The following EDDM13 variants were observed in gnomAD, a reference collection of about 807,000 sequenced individuals.
EDDM13 encodes epididymal protein 13.
A neutral mutation model predicts 17.8 loss-of-function variants in EDDM13; 24 were observed. The observed-to-expected ratio is 1.35, with a 90% CI of 0.98 to 1.90. EDDM13 has a LOEUF of 1.90. Among genes scored for constraint, EDDM13 ranks in the 40% most tolerant of loss-of-function variants. EDDM13 has a pLI of 0.00. For missense variants in EDDM13, 97 were observed against 100.8 expected (o/e 0.96, Z 0.16); for synonymous variants, 31 against 37.5 (o/e 0.83, Z 0.63).
chr19:56,306,146 T>C (rs56095857), intron 14 of EDDM13, among the ~76,000 whole-genome samples: 65,170 of 151,970 alleles, frequency 0.43, 14,194 homozygotes, highest in Middle Eastern at 0.59. Flanking sequence ...ACATGAAGTG[T>C]AGAGGCCAGT....
intron 13 of EDDM13, among the ~76,000 whole-genome samples, chr19:56,302,590 T>TCCCCTC (rs2040387931): frequency 2.9e-5 from 1 of 34,214 alleles, no homozygotes; most frequent in Admixed American, 3.6e-4. Context: ...CCCCTTTTCT[T>TCCCCTC]CCTCTCCCTC....
chr19:56,292,488 T>C (rs895443377), intron 9 of EDDM13, among the ~76,000 whole-genome samples: 2 of 151,912 alleles, frequency 1.3e-5, no homozygotes, highest in Admixed American at 6.6e-5. Context: ...TTGTTTTGCT[T>C]TGTTGCCAAG....
intron 9 of EDDM13, among the ~76,000 whole-genome samples, chr19:56,294,873 G>A (rs1568712448): frequency 6.6e-6 from 1 of 152,208 alleles, no homozygotes; most frequent in Non-Finnish European, 1.5e-5. Flanking sequence ...AAAGAAGCCA[G>A]ACACAAAAGC....
intron 6 of EDDM13, 95 bp downstream of exon 6, chr19:56,285,119 T>A: frequency 1.9e-6 from 1 of 525,582 alleles, no homozygotes; most frequent in Non-Finnish European, 2.4e-6. Context: ...AGGTAGAGTC[T>A]AAAGAACACT....
chr19:56,295,450 C>T (rs143956236), intron 9 of EDDM13, among the ~76,000 whole-genome samples: 62 of 152,132 alleles, frequency 4.1e-4, no homozygotes, highest in African/African-American at 1.4e-3. Context: ...CAAAAATTAG[C>T]CGGGTGTGGT....
Position 56,298,056 on chromosome 19 carries a change from T to A in EDDM13, c.295+525T>A, listed in dbSNP as rs1434849076. 4.2e-5 allele frequency: 6 copies of A among 141,982 alleles called. No homozygotes were observed. The East Asian group carries it at 1.2e-3, about 29-fold the overall frequency. 8.8% of individuals were successfully genotyped at this position (141,982 alleles called of 1,614,324 possible). On this transcript the variant is annotated intron_variant, in intron 12 of 14. Coordinates refer to ENST00000649256, the MANE Select transcript of EDDM13 (RefSeq NM_001354658.2). ...TGCCACCGCATCCGGCCTGGGTAACTGAGCAAGTCTCAAAAAAAAAAAAAA... is the reference window on the plus strand; with the variant it reads ...TGCCACCGCATCCGGCCTGGGTAACAGAGCAAGTCTCAAAAAAAAAAAAAA...
chr19:56,284,699 G>C (rs11668024), intron 5 of EDDM13, among the ~76,000 whole-genome samples: 1 of 151,834 alleles, frequency 6.6e-6, no homozygotes, highest in African/African-American at 2.4e-5. Context: ...ATTTTTAGTA[G>C]AAATGGGTTT....
intron 14 of EDDM13, 64 bp downstream of exon 14, chr19:56,304,894 C>T (rs2040583298): frequency 4.6e-6 from 3 of 645,416 alleles, no homozygotes; most frequent in Non-Finnish European, 5.8e-6. Context: ...AGGTTCATCC[C>T]AACTGCCTGG....
Position 56,304,785 on chromosome 19 carries a change from CT to C in EDDM13, c.424-7del, listed in dbSNP as rs761710750. ...TTCTCTGTTCCCAGTTCACTTTTTC[CT>C]CCCAAGTGTTACTGCCACTACTGTA... On this transcript the variant is annotated splice_region_variant and splice_polypyrimidine_tract_variant and intron_variant, in intron 13 of 14. Transcript: ENST00000649256. 100 of 985,254 alleles carry C rather than the reference CT, an allele frequency of 1.0e-4. No individual in the cohort carries two copies. The highest frequency in any genetic ancestry group is 1.2e-4 in the Non-Finnish European group (97 of 829,894). 61.0% of individuals were successfully genotyped at this position (985,254 alleles called of 1,614,324 possible).
At chr19:56,284,151 T>C (rs557022933) in intron 4 of EDDM13, 47 bp from the exon 5 acceptor site, 47 of 985,388 alleles carry the variant, frequency 4.8e-5, no homozygotes, top group Non-Finnish European at 5.4e-5. Flanking sequence ...GGACCACGCA[T>C]GTAACCTTGG....
chr19:56,292,675 C>T (rs564385324), intron 9 of EDDM13, among the ~76,000 whole-genome samples: 1 of 152,118 alleles, frequency 6.6e-6, no homozygotes, highest in African/African-American at 2.4e-5. Flanking sequence ...ACTTTATAAT[C>T]ACTGCCCCAC....
At chr19:56,301,540 C>G (rs756328317) in intron 12 of EDDM13, among the ~76,000 whole-genome samples, 1 of 152,122 alleles carries the variant, frequency 6.6e-6, no homozygotes, top group African/African-American at 2.4e-5. Flanking sequence ...TCAGCAGGGT[C>G]TTTGCGACTT....
intron 6 of EDDM13, chr19:56,286,658 A>G (rs1475036620): frequency 6.6e-6 from 1 of 152,218 alleles, no homozygotes. Context: ...GGAAATAAAC[A>G]CTAGCAAGTG....
chr19:56,295,222 AAAC>A (rs1419714187), intron 9 of EDDM13: 1 of 152,150 alleles, frequency 6.6e-6, no homozygotes, highest in Non-Finnish European at 1.5e-5. Flanking sequence ...AAAGTTCAGA[AAAC>A]AACAACGGGT....
At chr19:56,281,150 T>C (rs1272944413) in intron 2 of EDDM13, among the ~76,000 whole-genome samples, 1 of 152,080 alleles carries the variant, frequency 6.6e-6, no homozygotes, top group Non-Finnish European at 1.5e-5. Flanking sequence ...AAAGAGAAAA[T>C]ATGTTTACTC....
At chr19:56,285,662 G>A (rs918634734) in intron 6 of EDDM13, among the ~76,000 whole-genome samples, 27 of 151,966 alleles carry the variant, frequency 1.8e-4, no homozygotes, top group Non-Finnish European at 3.7e-4. Flanking sequence ...TGTATTTTTA[G>A]TAGAGACAGA....
intron 2 of EDDM13, among the ~76,000 whole-genome samples, chr19:56,279,427 GAAA>G (rs2038514065): frequency 6.6e-6 from 1 of 152,178 alleles, no homozygotes; most frequent in South Asian, 2.1e-4. Flanking sequence ...TTGCAAAATG[GAAA>G]GGACTGTGAG....
In EDDM13 at chr19:56,274,819, T is replaced by C. The variant is rs187345357; in HGVS notation, c.86-1273T>C. 2.0e-4 allele frequency: 30 copies of C among 152,310 alleles called. No individual in the cohort carries two copies. In the East Asian group the frequency reaches 3.7e-3, roughly 19 times the overall value. 9.4% of individuals were successfully genotyped at this position (152,310 alleles called of 1,614,324 possible). ...AGAAAATCCAGCTCTTGCTCAACCATGTTGCATTTTGTTATCCCATCTCCT... is the reference window on the plus strand; with the variant it reads ...AGAAAATCCAGCTCTTGCTCAACCACGTTGCATTTTGTTATCCCATCTCCT... On this transcript the variant is annotated intron_variant, in intron 1 of 14. Transcript: ENST00000649256.
At chr19:56,289,925 T>G (rs1374564185) in intron 8 of EDDM13, among the ~76,000 whole-genome samples, 3 of 152,198 alleles carry the variant, frequency 2.0e-5, no homozygotes, top group African/African-American at 7.2e-5. Context: ...TCACAAATGT[T>G]TCTTGTACCT....
Sources: gnomAD v4.1 joint callset for allele counts (sites outside exome capture counted in the v4.1 genomes callset) on GRCh38, gnomAD v4.1.1 for gene constraint, MANE v1.5 for transcripts, NCBI Gene and HGNC (gene_info 2026-07-23, HGNC 2026-07-21) for gene names.